COPZ1: variants seen among roughly 807,000 people sequenced by gnomAD.
COPZ1 encodes the protein coat protein complex I subunit zeta 1.
In COPZ1, 4 loss-of-function variants were observed where a neutral mutation model predicts 31.7. That is an observed-to-expected ratio of 0.13 (90% CI 0.06 to 0.29). COPZ1 has a LOEUF of 0.29. Among genes scored for constraint, COPZ1 ranks in the 10% least tolerant of loss-of-function variants. COPZ1 has a pLI of 1.00. For synonymous variants in COPZ1, 74 were observed against 79.0 expected (o/e 0.94, Z 0.33); for missense variants, 156 against 211.5 (o/e 0.74, Z 1.63).
intron 1 of COPZ1, among the ~76,000 whole-genome samples, chr12:54,327,115 G>C (rs1953669901): frequency 6.7e-6 from 1 of 150,338 alleles, no homozygotes; most frequent in Non-Finnish European, 1.5e-5. Context: ...TGAGTAGCTG[G>C]GGTTACAGGC....
chr12:54,347,400 C>T (rs1954082475), intron 5 of COPZ1, among the ~76,000 whole-genome samples: 1 of 152,200 alleles, frequency 6.6e-6, no homozygotes, highest in African/African-American at 2.4e-5. Flanking sequence ...CACCTCCGGC[C>T]ACCTCCAGAC....
At chr12:54,325,295 G>A in intron 1 of COPZ1, 114 bp downstream of exon 1, 2 of 1,342,084 alleles carry the variant, frequency 1.5e-6, no homozygotes, top group East Asian at 2.5e-5. Flanking sequence ...TGGGGACTGA[G>A]CGTTCTGCTG....
intron 1 of COPZ1, among the ~76,000 whole-genome samples, chr12:54,327,552 C>A (rs1953677030): frequency 6.6e-6 from 1 of 152,170 alleles, no homozygotes; most frequent in African/African-American, 2.4e-5. Flanking sequence ...CTGCCTCAGC[C>A]TCCCAAAGTG....
In COPZ1 at chr12:54,343,260, T is replaced by A. The variant is rs771797469; in HGVS notation, c.205T>A (p.Tyr69Asn). ...IALLEGLTVVYKSSIDLYFYV... is the reference protein window; with the variant it reads ...IALLEGLTVVNKSSIDLYFYV... ...CCTCTTGGAAGGCCTGACAGTGGTA[T>A]ACAAAAGCAGTATAGATCTCTATTT... is the stretch of plus-strand genomic sequence containing the variant. Residue 69 changes from tyrosine (Y) to asparagine (N), a missense_variant, in exon 4 of 9, where the codon TAC becomes AAC. By Grantham distance (143) the Tyr-to-Asn change is moderately radical (BLOSUM62 -2). Transcript: ENST00000262061. 3 of 1,614,042 alleles carry A rather than the reference T, an allele frequency of 1.9e-6. No homozygotes were observed. Among genetic ancestry groups the A allele is most frequent in the Admixed American group, 1.7e-5 (1 of 59,996 alleles).
At chr12:54,334,868 AAAAT>A (rs534920715) in intron 1 of COPZ1, among the ~76,000 whole-genome samples, 20 of 152,180 alleles carry the variant, frequency 1.3e-4, no homozygotes, top group African/African-American at 4.8e-4. Flanking sequence ...AAAAAATAAA[AAAAT>A]AAATAAAAGT....
At chr12:54,328,688 C>T (rs576770100) in intron 1 of COPZ1, among the ~76,000 whole-genome samples, 2 of 152,346 alleles carry the variant, frequency 1.3e-5, no homozygotes, top group Non-Finnish European at 2.9e-5. Context: ...TTAATCTATG[C>T]CTAATAGGCT....
At chr12:54,350,134 C>A in intron 8 of COPZ1, 1 of 642,548 alleles carries the variant, frequency 1.6e-6, no homozygotes, top group South Asian at 1.8e-5. Context: ...CCGTTTTCTA[C>A]CCACTTGGAA....
chr12:54,330,145 C>T (rs1280353013), intron 1 of COPZ1, among the ~76,000 whole-genome samples: 1 of 152,142 alleles, frequency 6.6e-6, no homozygotes, highest in Non-Finnish European at 1.5e-5. Context: ...TCAGCTAGGG[C>T]GCGAGCAGTG....
chr12:54,334,285 G>T (rs1470857587), intron 1 of COPZ1, among the ~76,000 whole-genome samples: 3 of 151,880 alleles, frequency 2.0e-5, no homozygotes, highest in Non-Finnish European at 2.9e-5. Context: ...GCCGGGCGTG[G>T]TGGGAAGCGC....
rs1490150330 is a variant in COPZ1, at chr12:54,325,899, AT to A, written c.18+719del. 1.1e-4 allele frequency among the ~76,000 whole-genome samples: 16 copies of A among 148,502 alleles called. No individual in the cohort carries two copies. In the East Asian group the frequency reaches 3.2e-3, roughly 29 times the overall value. On this transcript the variant is annotated intron_variant, in intron 1 of 8. Transcript: ENST00000262061. ...CGTGGCGCGATCTTGGCTCACTGCA[AT>A]CTCCACCTCCCGGGTTCAAGCTATT... is the stretch of plus-strand genomic sequence containing the variant.
At chr12:54,334,038 G>A (rs150149952) in intron 1 of COPZ1, among the ~76,000 whole-genome samples, 2 of 152,096 alleles carry the variant, frequency 1.3e-5, no homozygotes, top group Non-Finnish European at 1.5e-5. Context: ...TGAGGCTGCA[G>A]TGAGCTGTGA....
intron 1 of COPZ1, among the ~76,000 whole-genome samples, chr12:54,331,936 C>G (rs1320905345): frequency 6.6e-6 from 1 of 152,180 alleles, no homozygotes; most frequent in Non-Finnish European, 1.5e-5. Flanking sequence ...CAGTTCATCT[C>G]TCTTCCCAGC....
Position 54,325,153 on chromosome 12 carries a change from T to A in COPZ1, c.-11T>A, listed in dbSNP as rs1207385641. On this transcript the variant is annotated 5_prime_UTR_variant, in exon 1 of 9. Coordinates refer to ENST00000262061, the MANE Select transcript of COPZ1 (RefSeq NM_016057.3). The stretch of plus-strand genomic sequence containing the variant: ...TTTGCGGCTCCACGTCGGCACCAGC[T>A]GCGGGGCAAGATGGAGGCGCTGATT... 1.3e-6 allele frequency: 2 copies of A among 1,563,138 alleles called. No individual in the cohort carries two copies. The highest frequency in any genetic ancestry group is 1.7e-6 in the Non-Finnish European group (2 of 1,154,084).
In COPZ1 at chr12:54,334,176, C is replaced by G. The variant is rs193249357; in HGVS notation, c.19-6371C>G. Among the ~76,000 whole-genome samples, 257 of 151,248 alleles carry G rather than the reference C, an allele frequency of 1.7e-3. 4 individuals are homozygous for G. The highest frequency in any genetic ancestry group is 0.015 in the Admixed American group (224 of 15,136). Reference sequence around the variant, plus strand: ...TGGGAGGTCAAGGTGGGCAGATCACCTGAGGTCAGGAGTTCGAGACCAGCT... The same window carrying G: ...TGGGAGGTCAAGGTGGGCAGATCACGTGAGGTCAGGAGTTCGAGACCAGCT... On this transcript the variant is annotated intron_variant, in intron 1 of 8. Transcript: ENST00000262061.
At position 54,350,989 on chromosome 12, in the gene COPZ1, G is replaced by T. The variant is rs1024724993; in HGVS notation, c.*466G>T. 2 of 182,122 alleles carry T rather than the reference G, an allele frequency of 1.1e-5. No individual in the cohort carries two copies. The highest frequency in any genetic ancestry group is 2.4e-5 in the Non-Finnish European group (2 of 83,878). 11.3% of individuals were successfully genotyped at this position (182,122 alleles called of 1,614,324 possible). On this transcript the variant is annotated 3_prime_UTR_variant, in exon 9 of 9. Coordinates refer to ENST00000262061, the MANE Select transcript of COPZ1 (RefSeq NM_016057.3). The stretch of plus-strand genomic sequence containing the variant: ...ATAGAACGAGTGGGGGCGGGGATGG[G>T]TAGGGATTTATCCAATCTAAGCCCT...
At chr12:54,336,366 C>T (rs966070092) in intron 1 of COPZ1, among the ~76,000 whole-genome samples, 3 of 151,340 alleles carry the variant, frequency 2.0e-5, no homozygotes, top group Non-Finnish European at 4.4e-5. Flanking sequence ...ACAGTGAAAC[C>T]CCATCCCTAC....
At chr12:54,345,424 G>A in intron 4 of COPZ1, 36 bp from the exon 5 acceptor site, 5 of 1,579,038 alleles carry the variant, frequency 3.2e-6, no homozygotes, top group Non-Finnish European at 4.4e-6. Flanking sequence ...TCAGGGCCTT[G>A]AACCTTATCC....
rs1468700491 is a variant in COPZ1 at position 54,339,578 on chromosome 12, C to T, written c.19-969C>T. The stretch of plus-strand genomic sequence containing the variant: ...TTTCCCAGGCTGGTCTTGAACTGGC[C>T]TTAAGCAATCCTCCTGCCTCAGCCT... On this transcript the variant is annotated intron_variant, in intron 1 of 8. Coordinates refer to ENST00000262061, the MANE Select transcript of COPZ1 (RefSeq NM_016057.3). Among the ~76,000 whole-genome samples, 4 of 152,166 alleles carry T rather than the reference C, an allele frequency of 2.6e-5. No individual in the cohort carries two copies. In the East Asian group the frequency reaches 7.7e-4, roughly 29 times the overall value.
chr12:54,347,592 C>T (rs573198373), intron 5 of COPZ1, among the ~76,000 whole-genome samples, 175 bp from the exon 6 acceptor site: 4 of 152,148 alleles, frequency 2.6e-5, no homozygotes, highest in Non-Finnish European at 2.9e-5. Context: ...ATTCAGCAAA[C>T]GAGTAGAAAG....
Sources: allele counts gnomAD v4.1 joint callset (sites outside exome capture counted in the v4.1 genomes callset), GRCh38; gene constraint gnomAD v4.1.1; transcripts MANE v1.5; gene names NCBI Gene and HGNC (gene_info 2026-07-23, HGNC 2026-07-21).